LRRC39: variants seen among roughly 807,000 people sequenced by gnomAD.
The protein encoded by LRRC39 is leucine-rich repeat-containing protein 39.
A neutral mutation model predicts 39.7 loss-of-function variants in LRRC39; 35 were observed. The ratio of observed to expected loss-of-function variants is 0.88; its 90% CI spans 0.67 to 1.17. LRRC39 has a LOEUF of 1.17. Among genes scored for constraint, LRRC39 ranks in the 50% most tolerant of loss-of-function variants. The pLI, the probability that LRRC39 is intolerant of heterozygous loss-of-function variation, is 0.00. For missense variants in LRRC39, 357 were observed against 385.8 expected (o/e 0.93, Z 0.62); for synonymous variants, 113 against 134.1 (o/e 0.84, Z 1.09).
chr1:100,157,376 T>C (rs1333309960), intron 6 of LRRC39, among the ~76,000 whole-genome samples: 1 of 152,188 alleles, frequency 6.6e-6, no homozygotes, highest in Non-Finnish European at 1.5e-5. Context: ...GACGTGCCTT[T>C]TGCCTTCTGC....
In LRRC39 at chr1:100,149,007, A is replaced by C. The variant is rs139727370; in HGVS notation, c.*35T>G. On this transcript the variant is annotated 3_prime_UTR_variant, in exon 10 of 10. Transcript: ENST00000370137. ...AATCCAAACATTAGAGAATTCACCA[A>C]AGTAATCCTCTTTAGAAGGGCATCT... 621 of 1,506,686 alleles carry C rather than the reference A, an allele frequency of 4.1e-4. 2 individuals carry two copies. The African/African-American group carries it at 7.5e-3, about 18-fold the overall frequency. 93.3% of individuals were successfully genotyped at this position (1,506,686 alleles called of 1,614,324 possible).
chr1:100,168,411 G>A lies in LRRC39; in HGVS notation c.106C>T (p.Gln36Ter), dbSNP rs1236590981. ...AAATATGTTTTAGCATACTTGTGTT[G>A]AAATTCCTTCTCTCGCTTCAGGTCT... ...NEDLKREKEFQHKLVRIWEER... is the reference protein window; with the variant it reads ...NEDLKREKEF Residue 36 changes from glutamine to a stop codon, truncating the protein, a stop_gained, in exon 3 of 10, where the codon CAA becomes TAA. Coordinates refer to ENST00000370137, the MANE Select transcript of LRRC39 (RefSeq NM_144620.4). LOFTEE classifies it high-confidence loss of function. The A allele has an allele frequency of 6.2e-7, 1 of 1,603,688 alleles. No homozygotes were observed. The highest frequency in any genetic ancestry group is 8.5e-7 in the Non-Finnish European group (1 of 1,175,730).
In LRRC39 at chr1:100,155,125, A is replaced by G. The variant is rs754554077; in HGVS notation, c.738T>C (p.Asn246=). Residue 246 remains asparagine, a synonymous_variant, in exon 8 of 10, where the codon AAT becomes AAC. Coordinates refer to ENST00000370137, the MANE Select transcript of LRRC39 (RefSeq NM_144620.4). The part of the protein sequence containing the change: ...CLPQTISNMK[N]LGTLVLSNNK... Reference sequence around the variant, plus strand: ...TGTTGCTGAGAACAAGAGTACCCAGATTTTTCATATTGCTGATTGTTTGAG... The same window carrying G: ...TGTTGCTGAGAACAAGAGTACCCAGGTTTTTCATATTGCTGATTGTTTGAG... The G allele has an allele frequency of 1.2e-6, 2 of 1,611,352 alleles. No homozygotes were observed. The highest frequency in any genetic ancestry group is 8.5e-7 in the Non-Finnish European group (1 of 1,178,952).
intron 1 of LRRC39, among the ~76,000 whole-genome samples, chr1:100,174,641 ATATC>A (rs1311173779): frequency 1.3e-5 from 2 of 152,214 alleles, no homozygotes; most frequent in African/African-American, 4.8e-5. Context: ...GGACAGTTGA[ATATC>A]TATGTATTAC....
chr1:100,173,955 T>C (rs945152958), intron 1 of LRRC39, among the ~76,000 whole-genome samples: 1 of 151,992 alleles, frequency 6.6e-6, no homozygotes, highest in African/African-American at 2.4e-5. Context: ...AATGAAGAGA[T>C]ATACATCATA....
At position 100,159,434 on chromosome 1, in the gene LRRC39, T is replaced by C. The variant is rs1658706175; in HGVS notation, c.220-19A>G. ...GGAGGGTCTACAGTAAAAGAAATGA[T>C]GGTTGTTGTATATTACTTAAATTTT... On this transcript the variant is annotated intron_variant, in intron 4 of 9. Transcript: ENST00000370137. The C allele has an allele frequency of 1.9e-6, 3 of 1,571,278 alleles. No homozygotes were observed. The highest frequency in any genetic ancestry group is 1.7e-4 in the Middle Eastern group (1 of 5,888).
intron 7 of LRRC39, among the ~76,000 whole-genome samples, 189 bp downstream of exon 7, chr1:100,155,983 G>GT (rs1387528432): frequency 6.6e-6 from 1 of 152,108 alleles, no homozygotes; most frequent in African/African-American, 2.4e-5. Flanking sequence ...AAAAAAGCCA[G>GT]TTTTTTCTTC....
chr1:100,168,330 T>C, intron 3 of LRRC39, 74 bp downstream of exon 3: 1 of 1,088,674 alleles, frequency 9.2e-7, no homozygotes, highest in Non-Finnish European at 1.3e-6. Flanking sequence ...ACAAGGCATT[T>C]AGAATGCTCT....
At chr1:100,152,258 G>T (rs1658097403) in intron 9 of LRRC39, 127 bp downstream of exon 9, 3 of 1,000,798 alleles carry the variant, frequency 3.0e-6, no homozygotes, top group Non-Finnish European at 4.2e-6. Flanking sequence ...TAAGAGAACA[G>T]AATTTGACAG....
rs147675956 is a variant in LRRC39 at position 100,160,378 on chromosome 1, A to G, written c.219+88T>C. On this transcript the variant is annotated intron_variant, in intron 4 of 9. Transcript: ENST00000370137. ...ATTAAAATTAGTTTCTAACTATTCT[A>G]GTCTTAATTACACAGTCTCAGAATC... The G allele has an allele frequency of 9.5e-3, 8,246 of 870,120 alleles. 55 individuals are homozygous for G. Among genetic ancestry groups the G allele is most frequent in the Non-Finnish European group, 0.012 (6,689 of 568,184 alleles). The allele number at this position is 870,120 out of a possible 1,614,324, so 53.9% of individuals were successfully genotyped here.
intron 3 of LRRC39, among the ~76,000 whole-genome samples, chr1:100,163,794 C>T (rs144590964): frequency 1.6e-4 from 25 of 152,084 alleles, no homozygotes; most frequent in African/African-American, 5.5e-4. Flanking sequence ...CTTTTGAGGC[C>T]GGGCGTGGTG....
chr1:100,171,854 A>C (rs1379025371), intron 2 of LRRC39, among the ~76,000 whole-genome samples: 2 of 152,048 alleles, frequency 1.3e-5, no homozygotes, highest in African/African-American at 4.8e-5. Context: ...ATCATCATGA[A>C]ATTAGAAGGC....
chr1:100,150,993 G>A (rs1032979804), intron 9 of LRRC39, among the ~76,000 whole-genome samples: 100 of 152,034 alleles, frequency 6.6e-4, no homozygotes, highest in African/African-American at 6.5e-4. Context: ...GGGGCGTGGC[G>A]TGGTGGTGCA....
chr1:100,153,512 C>T (rs1425477074), intron 8 of LRRC39, among the ~76,000 whole-genome samples: 1 of 151,934 alleles, frequency 6.6e-6, no homozygotes, highest in Non-Finnish European at 1.5e-5. Context: ...TAATAGACAA[C>T]CTATAGAATG....
intron 3 of LRRC39, among the ~76,000 whole-genome samples, chr1:100,165,861 G>A (rs1182442119): frequency 1.3e-5 from 2 of 150,590 alleles, no homozygotes; most frequent in African/African-American, 4.9e-5. Flanking sequence ...TTTTATGAGA[G>A]GTTTCCCCTT....
chr1:100,174,669 A>G (rs191867086), intron 1 of LRRC39, among the ~76,000 whole-genome samples: 3 of 152,342 alleles, frequency 2.0e-5, no homozygotes, highest in East Asian at 3.9e-4. Context: ...AATTAATTCC[A>G]TGTGAATTGT....
chr1:100,166,392 C>T (rs1051324258), intron 3 of LRRC39, among the ~76,000 whole-genome samples: 2 of 152,158 alleles, frequency 1.3e-5, no homozygotes, highest in Non-Finnish European at 2.9e-5. Flanking sequence ...TTCCTAGAGA[C>T]TTGTTCAATG....
intron 3 of LRRC39, 33 bp downstream of exon 3, chr1:100,168,371 C>G: frequency 1.4e-6 from 2 of 1,462,566 alleles, no homozygotes; most frequent in Non-Finnish European, 1.9e-6. Context: ...TGAATTTTCA[C>G]TAATTCAAAA....
intron 9 of LRRC39, among the ~76,000 whole-genome samples, chr1:100,151,846 C>T (rs1409907301): frequency 2.0e-5 from 3 of 152,050 alleles, no homozygotes; most frequent in East Asian, 1.9e-4. Context: ...AGGCTGAGGT[C>T]GGATGATCTC....
Sources: allele counts gnomAD v4.1 joint callset (sites outside exome capture counted in the v4.1 genomes callset), GRCh38; gene constraint gnomAD v4.1.1; transcripts MANE v1.5; gene names NCBI Gene and HGNC (gene_info 2026-07-23, HGNC 2026-07-21).